Variants in ATM observed in about 807,000 individuals in gnomAD.
ATM encodes the protein ATM serine/threonine kinase, also known as serine-protein kinase ATM.
Under a neutral mutation model 387.0 loss-of-function variants are expected in ATM, and 308 were observed. The ratio of observed to expected loss-of-function variants is 0.80; its 90% CI spans 0.73 to 0.87. ATM has a LOEUF of 0.87. Among genes scored for constraint, ATM ranks in the 40% least tolerant of loss-of-function variants. ATM has a pLI of 0.00. For synonymous variants in ATM, 1,156 were observed against 1,187.3 expected, an observed-to-expected ratio of 0.97 and a Z score of 0.54; for missense variants, 3,312 against 3,560.9, an observed-to-expected ratio of 0.93 and a Z score of 1.78.
intron 54 of ATM, among the ~76,000 whole-genome samples, chr11:108,334,363 TTAAG>T (rs544924763): frequency 2.6e-4 from 40 of 152,344 alleles, no homozygotes; most frequent in Admixed American, 5.2e-4. Context: ...TATCACAGTA[TTAAG>T]TAATATAGTA....
At chr11:108,226,515 C>T (rs1361601615) in intron 1 of ATM, 1 of 152,128 alleles carries the variant, frequency 6.6e-6, no homozygotes, top group Non-Finnish European at 1.5e-5. Flanking sequence ...ATAGAATTTG[C>T]TTCATTTCCT....
rs2137022388 is a variant in ATM at position 108,345,733 on chromosome 11, C to G, written c.8419-10C>G. Reference sequence around the variant, plus strand: ...ATTGAAAAATAATTATATATATTCTCTATTTAAAGGAGGTGCAAAAAAAGT... The same window carrying G: ...ATTGAAAAATAATTATATATATTCTGTATTTAAAGGAGGTGCAAAAAAAGT... On this transcript the variant is annotated splice_polypyrimidine_tract_variant and intron_variant, in intron 57 of 62. Transcript: ENST00000675843. The G allele has an allele frequency of 1.3e-6, 2 of 1,567,486 alleles. No individual in the cohort carries two copies. Among genetic ancestry groups the G allele is most frequent in the Non-Finnish European group, 1.7e-6 (2 of 1,146,072 alleles).
At position 108,335,974 on chromosome 11, in the gene ATM, A is replaced by T. The variant is rs1400036072; in HGVS notation, c.8268+13A>T. The T allele has an allele frequency of 6.3e-7, 1 of 1,584,762 alleles. No homozygotes were observed. The highest frequency in any genetic ancestry group is 1.7e-5 in the Admixed American group (1 of 59,930). ...CTGTACTTATAAGGTAACTATTTGT[A>T]CTTCTGTTAGTTCACCAAAAACATA... On this transcript the variant is annotated intron_variant, in intron 56 of 62. Coordinates refer to ENST00000675843, the MANE Select transcript of ATM (RefSeq NM_000051.4).
intron 16 of ATM, among the ~76,000 whole-genome samples, chr11:108,264,510 C>T (rs2081102243): frequency 6.6e-6 from 1 of 152,100 alleles, no homozygotes. Flanking sequence ...CTATGACAGT[C>T]CCACAGCCAA....
intron 32 of ATM, chr11:108,296,121 T>A (rs2083105854): frequency 6.6e-6 from 1 of 152,236 alleles, no homozygotes. Context: ...TGTCTATATA[T>A]ATGTAAGTAT....
intron 56 of ATM, among the ~76,000 whole-genome samples, chr11:108,339,708 ATC>A (rs781514482): frequency 6.4e-4 from 98 of 152,232 alleles, no homozygotes; most frequent in Non-Finnish European, 1.2e-3. Context: ...TTCTGTATCA[ATC>A]TCTCAACAAA....
chr11:108,283,003 T>C (rs2082317045), intron 25 of ATM, 124 bp downstream of exon 25: 4 of 622,316 alleles, frequency 6.4e-6, no homozygotes, highest in East Asian at 2.9e-5. Flanking sequence ...GGAGCCTACA[T>C]AGTATGAGAA....
Position 108,359,270 on chromosome 11 carries a change from A to C in ATM, c.8850+4396A>C, listed in dbSNP as rs567485689. On this transcript the variant is annotated intron_variant, in intron 61 of 62. Transcript: ENST00000675843. Reference sequence around the variant, plus strand: ...ACTATCCTAAATATATATGCACCCAATACAGGAGCACCCAGATTCATAAAG... The same window carrying C: ...ACTATCCTAAATATATATGCACCCACTACAGGAGCACCCAGATTCATAAAG... Among the ~76,000 whole-genome samples, 60 of 151,678 alleles carry C rather than the reference A, an allele frequency of 4.0e-4. 1 individual carries two copies. The highest frequency in any genetic ancestry group is 3.2e-4 in the Non-Finnish European group (22 of 67,740).
intron 22 of ATM, among the ~76,000 whole-genome samples, chr11:108,274,344 TTTG>T (rs1162942930): frequency 9.4e-6 from 1 of 106,072 alleles, no homozygotes; most frequent in Non-Finnish European, 2.2e-5. Flanking sequence ...AAAGGTTTTT[TTTG>T]TGTGTGTGTG....
At chr11:108,343,716 T>G (rs188377629) in intron 57 of ATM, among the ~76,000 whole-genome samples, 1 of 152,030 alleles carries the variant, frequency 6.6e-6, no homozygotes, top group East Asian at 1.9e-4. Flanking sequence ...AGAGGCTGAG[T>G]CTGGGGGATC....
chr11:108,240,759 A>G (rs2079516770), intron 5 of ATM, among the ~76,000 whole-genome samples: 1 of 152,134 alleles, frequency 6.6e-6, no homozygotes, highest in African/African-American at 2.4e-5. Flanking sequence ...AATGTGTGGT[A>G]ATGTAAAGGC....
intron 50 of ATM, 136 bp downstream of exon 50, chr11:108,330,557 T>C: frequency 2.2e-6 from 2 of 907,800 alleles, no homozygotes; most frequent in East Asian, 2.5e-5. Flanking sequence ...TAGCATTTTG[T>C]AGTTTTCTAA....
Position 108,368,561 on chromosome 11 carries a change from A to G in ATM, c.*3053A>G. 4.6e-6 allele frequency: 1 copy of G among 217,952 alleles called. No homozygotes were observed. Among genetic ancestry groups the G allele is most frequent in the Non-Finnish European group, 9.2e-6 (1 of 108,518 alleles). The allele number at this position is 217,952 out of a possible 1,614,324, so 13.5% of individuals were successfully genotyped here. The stretch of plus-strand genomic sequence containing the variant: ...AAGAAGATAGTAAATTATAAGTACA[A>G]GTGTAATATGGACAGTATCTAACTT... On this transcript the variant is annotated 3_prime_UTR_variant, in exon 63 of 63. Transcript: ENST00000675843.
intron 4 of ATM, among the ~76,000 whole-genome samples, chr11:108,233,850 A>G (rs1035195452): frequency 3.5e-5 from 5 of 141,948 alleles, no homozygotes; most frequent in Non-Finnish European, 7.9e-5. Context: ...TTCTGTCTCA[A>G]AAACAAGCAA....
chr11:108,227,997 A>G (rs2078832640), intron 3 of ATM, 109 bp downstream of exon 3: 6 of 902,618 alleles, frequency 6.6e-6, no homozygotes, highest in Non-Finnish European at 1.0e-5. Flanking sequence ...TGCTTCCTAT[A>G]TATCATTATG....
At chr11:108,302,406 A>AT (rs1349668487) in intron 35 of ATM, among the ~76,000 whole-genome samples, 1 of 152,168 alleles carries the variant, frequency 6.6e-6, no homozygotes, top group Non-Finnish European at 1.5e-5. Context: ...CTTTCAGTGC[A>AT]TCATAAATAT....
intron 50 of ATM, among the ~76,000 whole-genome samples, 164 bp downstream of exon 50, chr11:108,330,585 G>C (rs2086152671): frequency 6.6e-6 from 1 of 152,094 alleles, no homozygotes; most frequent in South Asian, 2.1e-4. Flanking sequence ...TCCATATTTA[G>C]GATTATTTAC....
At position 108,250,987 on chromosome 11, in the gene ATM, C is replaced by CTTG; in HGVS notation, c.1523_1525dup (p.Leu508_Gly509insVal). The CTTG allele has an allele frequency of 6.2e-7, 1 of 1,614,078 alleles. No individual in the cohort carries two copies. The highest frequency in any genetic ancestry group is 8.5e-7 in the Non-Finnish European group (1 of 1,180,008). On this transcript the variant is annotated inframe_insertion, in exon 10 of 63. Coordinates refer to ENST00000675843, the MANE Select transcript of ATM (RefSeq NM_000051.4). ...AATACAAGCTGAAAACTTTGGCTTACTTGGAGCCATAATTCAGGGTAGTTT... is the reference window on the plus strand; with the variant it reads ...AATACAAGCTGAAAACTTTGGCTTACTTGTTGGAGCCATAATTCAGGGTAGTTT...
At chr11:108,286,538 G>A (rs1017757305) in intron 26 of ATM, among the ~76,000 whole-genome samples, 3 of 152,088 alleles carry the variant, frequency 2.0e-5, no homozygotes, top group African/African-American at 7.2e-5. Flanking sequence ...CTATGTAAAT[G>A]AAGTAGTGGT....
Sources: allele counts gnomAD v4.1 joint callset (sites outside exome capture counted in the v4.1 genomes callset), GRCh38; gene constraint gnomAD v4.1.1; transcripts MANE v1.5; gene names NCBI Gene and HGNC (gene_info 2026-07-23, HGNC 2026-07-21).